LEF1: variants seen among roughly 807,000 people sequenced by gnomAD.
LEF1 encodes the protein lymphoid enhancer-binding factor 1.
A neutral mutation model predicts 51.2 loss-of-function variants in LEF1; 14 were observed. The ratio of observed to expected loss-of-function variants is 0.27; its 90% CI spans 0.18 to 0.43. LEF1 has a LOEUF of 0.43. Ranked by LOEUF, LEF1 falls within the 20% of genes least tolerant of loss-of-function variation. The pLI, the probability that LEF1 is intolerant of heterozygous loss-of-function variation, is 1.00. For missense variants in LEF1, 386 were observed against 512.0 expected, an observed-to-expected ratio of 0.75 and a Z score of 2.37; for synonymous variants, 185 against 183.2, an observed-to-expected ratio of 1.01 and a Z score of -0.08.
intron 4 of LEF1, 109 bp downstream of exon 4, chr4:108,089,016 G>A: frequency 2.5e-6 from 3 of 1,216,222 alleles, no homozygotes; most frequent in South Asian, 1.3e-5. Context: ...AACACATTCT[G>A]ATCCACCCAG....
intron 3 of LEF1, among the ~76,000 whole-genome samples, chr4:108,161,036 C>T (rs1004039843): frequency 3.3e-5 from 5 of 152,186 alleles, no homozygotes; most frequent in African/African-American, 9.7e-5. Context: ...CAAATGGTCA[C>T]CATGCTCCTG....
At chr4:108,074,657 G>C (rs1263067787) in intron 8 of LEF1, among the ~76,000 whole-genome samples, 1 of 152,208 alleles carries the variant, frequency 6.6e-6, no homozygotes, top group South Asian at 2.1e-4. Flanking sequence ...TGCCCTGCCA[G>C]AGGGGAGTTA....
Position 108,078,191 on chromosome 4 carries a change from G to T in LEF1, c.1008+29C>A. 1.9e-6 allele frequency: 3 copies of T among 1,607,524 alleles called. No homozygotes were observed. The South Asian group carries it at 3.3e-5, about 18-fold the overall frequency. Reference sequence around the variant, plus strand: ...CATGAAGCAGTTCCATGGCTACCATGAACATTTACACATGACTCGGCTACT... The same window carrying T: ...CATGAAGCAGTTCCATGGCTACCATTAACATTTACACATGACTCGGCTACT... On this transcript the variant is annotated intron_variant, in intron 8 of 11. Coordinates refer to ENST00000265165, the MANE Select transcript of LEF1 (RefSeq NM_016269.5).
At chr4:108,124,723 C>T (rs192467152) in intron 3 of LEF1, among the ~76,000 whole-genome samples, 1 of 152,180 alleles carries the variant, frequency 6.6e-6, no homozygotes, top group South Asian at 2.1e-4. Context: ...TATAAAAAGT[C>T]TTAATTTTGG....
intron 3 of LEF1, among the ~76,000 whole-genome samples, chr4:108,097,527 G>A (rs1247104547): frequency 6.6e-6 from 1 of 152,166 alleles, no homozygotes; most frequent in African/African-American, 2.4e-5. Flanking sequence ...ACAACAGCGT[G>A]ACTATAGTCA....
chr4:108,127,567 AC>A (rs1742624923), intron 3 of LEF1, among the ~76,000 whole-genome samples: 1 of 152,156 alleles, frequency 6.6e-6, no homozygotes, highest in Non-Finnish European at 1.5e-5. Flanking sequence ...CTCCCTTTCT[AC>A]TTGAAAACCA....
At chr4:108,105,583 A>T (rs1250577548) in intron 3 of LEF1, among the ~76,000 whole-genome samples, 104 of 152,228 alleles carry the variant, frequency 6.8e-4, no homozygotes, top group Non-Finnish European at 1.2e-4. Flanking sequence ...TACCTCAAAC[A>T]TCTCCATTTT....
chr4:108,166,137 T>C, intron 1 of LEF1: 1 of 766,004 alleles, frequency 1.3e-6, no homozygotes. Context: ...CAGCACACAG[T>C]AGTCACAAAT....
intron 3 of LEF1, among the ~76,000 whole-genome samples, chr4:108,122,220 T>A (rs1742222454): frequency 6.6e-6 from 1 of 152,200 alleles, no homozygotes; most frequent in African/African-American, 2.4e-5. Flanking sequence ...TACTAGAAAG[T>A]AGATTTGTCT....
intron 2 of LEF1, among the ~76,000 whole-genome samples, chr4:108,164,642 G>A (rs946710621): frequency 2.6e-5 from 4 of 152,120 alleles, no homozygotes; most frequent in Non-Finnish European, 4.4e-5. Flanking sequence ...ATTCTGCTCT[G>A]CTCATTTACT....
At chr4:108,102,085 G>C (rs1740864391) in intron 3 of LEF1, among the ~76,000 whole-genome samples, 2 of 151,416 alleles carry the variant, frequency 1.3e-5, no homozygotes, top group Non-Finnish European at 2.9e-5. Context: ...AAAAAGAAAG[G>C]ACGGACTTAT....
At chr4:108,142,816 T>C (rs1221589565) in intron 3 of LEF1, among the ~76,000 whole-genome samples, 1 of 152,164 alleles carries the variant, frequency 6.6e-6, no homozygotes, top group Admixed American at 6.5e-5. Flanking sequence ...CACATTGAAA[T>C]GACAAGATTA....
At chr4:108,114,504 T>C (rs768620643) in intron 3 of LEF1, among the ~76,000 whole-genome samples, 5 of 151,960 alleles carry the variant, frequency 3.3e-5, no homozygotes, top group Non-Finnish European at 7.4e-5. Flanking sequence ...AAGGTCAAAA[T>C]GAGGAAAACA....
At chr4:108,108,053 A>G (rs761107550) in intron 3 of LEF1, among the ~76,000 whole-genome samples, 1 of 152,232 alleles carries the variant, frequency 6.6e-6, no homozygotes, top group Non-Finnish European at 1.5e-5. Context: ...AGCAAGCTAC[A>G]AAGTGAGGCT....
intron 4 of LEF1, among the ~76,000 whole-genome samples, chr4:108,087,800 C>T (rs985937536): frequency 6.6e-6 from 1 of 152,114 alleles, no homozygotes; most frequent in Non-Finnish European, 1.5e-5. Context: ...CTCCTGTCTC[C>T]CCTTGGGTAT....
intron 3 of LEF1, among the ~76,000 whole-genome samples, chr4:108,153,635 G>A (rs1744502721): frequency 6.6e-6 from 1 of 152,120 alleles, no homozygotes; most frequent in Non-Finnish European, 1.5e-5. Context: ...TACCTAAAAA[G>A]GTGCATTGCC....
chr4:108,131,404 A>T (rs1742885592), intron 3 of LEF1, among the ~76,000 whole-genome samples: 1 of 151,880 alleles, frequency 6.6e-6, no homozygotes, highest in Non-Finnish European at 1.5e-5. Flanking sequence ...AAAAAAAAAA[A>T]ATGTTTTAAA....
chr4:108,122,709 A>ATCCTGG (rs1401438684), intron 3 of LEF1, among the ~76,000 whole-genome samples: 1 of 151,794 alleles, frequency 6.6e-6, no homozygotes, highest in Non-Finnish European at 1.5e-5. Flanking sequence ...TGGTCTCGAA[A>ATCCTGG]TCCTGGACTC....
intron 2 of LEF1, 47 bp downstream of exon 2, chr4:108,165,050 G>A (rs756209887): frequency 5.2e-6 from 8 of 1,534,110 alleles, no homozygotes; most frequent in South Asian, 1.1e-5. Flanking sequence ...TATACAAATT[G>A]CACCCCTTAT....
Sources: gnomAD v4.1 joint callset for allele counts (sites outside exome capture counted in the v4.1 genomes callset) on GRCh38, gnomAD v4.1.1 for gene constraint, MANE v1.5 for transcripts, NCBI Gene and HGNC (gene_info 2026-07-23, HGNC 2026-07-21) for gene names.